Variants in GPR183 observed in about 807,000 individuals in gnomAD.
GPR183 encodes the protein EBV-induced G-protein coupled receptor 2.
A neutral mutation model predicts 19.7 loss-of-function variants in GPR183; 9 were observed. The observed-to-expected ratio is 0.46, with a 90% CI of 0.28 to 0.80. The LOEUF (loss-of-function observed/expected upper bound fraction) is 0.80. Ranked by LOEUF, GPR183 falls within the 30% of genes least tolerant of loss-of-function variation. The pLI is 0.13. For synonymous variants in GPR183, 160 were observed against 155.1 expected (o/e 1.03, Z -0.24); for missense variants, 368 against 446.7 (o/e 0.82, Z 1.59).
rs377441012 is a variant in GPR183, at chr13:99,295,822, C to T, written c.324G>A (p.Ala108=). ...CATATGTGTTGATGTAAAACACTAG[C>T]GCAGTTATCCTACACAAGGCATCTC... The part of the protein sequence containing the change: ...RIGDALCRIT[A]LVFYINTYAG... Residue 108 remains alanine (A), a synonymous_variant, in exon 2 of 2, where the codon GCG becomes GCA. Coordinates refer to ENST00000376414, the MANE Select transcript of GPR183 (RefSeq NM_004951.5). The surrounding 1 kb of genome is among the most constrained non-coding windows in gnomAD (Gnocchi z 4.1). 4.5e-5 allele frequency: 72 copies of T among 1,608,226 alleles called. No individual in the cohort carries two copies. The African/African-American group carries it at 7.2e-4, about 16-fold the overall frequency.
chr13:99,299,253 C>A (rs2138726262), intron 1 of GPR183, among the ~76,000 whole-genome samples: 1 of 152,268 alleles, frequency 6.6e-6, no homozygotes, highest in East Asian at 1.9e-4. Context: ...ATAAACAGTT[C>A]AAATATCCTT....
At chr13:99,303,777 A>G (rs568226850) in intron 1 of GPR183, among the ~76,000 whole-genome samples, 9 of 152,320 alleles carry the variant, frequency 5.9e-5, no homozygotes, top group Admixed American at 2.0e-4. Flanking sequence ...GATGGAAATT[A>G]GGGAGGAACA....
intron 1 of GPR183, among the ~76,000 whole-genome samples, chr13:99,306,402 T>TG (rs1449270845): frequency 4.0e-5 from 6 of 151,682 alleles, no homozygotes; most frequent in African/African-American, 1.2e-4. Flanking sequence ...GTAACTTGTG[T>TG]GTGGGGGGGC....
At chr13:99,305,492 T>C (rs2044320201) in intron 1 of GPR183, among the ~76,000 whole-genome samples, 1 of 152,230 alleles carries the variant, frequency 6.6e-6, no homozygotes. Context: ...GTAAGCTTCT[T>C]GAGGATGATG....
At chr13:99,302,832 C>A (rs2044276546) in intron 1 of GPR183, among the ~76,000 whole-genome samples, 2 of 152,192 alleles carry the variant, frequency 1.3e-5, no homozygotes, top group African/African-American at 4.8e-5. Context: ...GTAGTCAGTA[C>A]ATGCCTCTGT....
chr13:99,298,687 G>GA (rs932568927), intron 1 of GPR183, among the ~76,000 whole-genome samples: 4 of 151,788 alleles, frequency 2.6e-5, no homozygotes, highest in East Asian at 3.9e-4. Flanking sequence ...TTTTGTGCAG[G>GA]AAAAAAAATG....
rs1409914168 is a variant in GPR183, at chr13:99,294,678, T to C, written c.*382A>G. On this transcript the variant is annotated 3_prime_UTR_variant, in exon 2 of 2. Transcript: ENST00000376414. Reference sequence around the variant, plus strand: ...AAATTTGGATTTAAGAAATATGTTATTTAAAAAGTATGTTACAGTATTAAC... The same window carrying C: ...AAATTTGGATTTAAGAAATATGTTACTTAAAAAGTATGTTACAGTATTAAC... The C allele has an allele frequency of 6.4e-6, 1 of 155,574 alleles. No individual in the cohort carries two copies. The allele number at this position is 155,574 out of a possible 1,614,324, so 9.6% of individuals were successfully genotyped here.
intron 1 of GPR183, among the ~76,000 whole-genome samples, chr13:99,304,970 T>G (rs1348738637): frequency 6.6e-6 from 1 of 152,176 alleles, no homozygotes; most frequent in Admixed American, 6.5e-5. Flanking sequence ...GGGAAGGGAA[T>G]GGGAGCAGGG....
chr13:99,303,053 A>G (rs1247981243), intron 1 of GPR183, among the ~76,000 whole-genome samples: 2 of 152,086 alleles, frequency 1.3e-5, no homozygotes, highest in Non-Finnish European at 2.9e-5. Context: ...GAGTGTGACT[A>G]GCCGAGGGGC....
intron 1 of GPR183, among the ~76,000 whole-genome samples, chr13:99,297,288 C>G (rs2044190658): frequency 6.6e-6 from 1 of 151,976 alleles, no homozygotes; most frequent in South Asian, 2.1e-4. Context: ...AAAAATAATT[C>G]CTCTGATAGA....
At chr13:99,297,066 A>G (rs138287243) in intron 1 of GPR183, among the ~76,000 whole-genome samples, 24 of 152,302 alleles carry the variant, frequency 1.6e-4, no homozygotes, top group African/African-American at 5.1e-4. Context: ...CAGTCTTCCA[A>G]TGTGTCAATG....
intron 1 of GPR183, among the ~76,000 whole-genome samples, chr13:99,301,607 T>C (rs1171123884): frequency 6.6e-6 from 1 of 152,154 alleles, no homozygotes; most frequent in East Asian, 1.9e-4. Context: ...ACCGGACATG[T>C]TGACATGAAC....
intron 1 of GPR183, among the ~76,000 whole-genome samples, chr13:99,305,367 C>T (rs72649510): frequency 0.14 from 20,911 of 152,108 alleles, 1,696 homozygotes; most frequent in East Asian, 0.32. Flanking sequence ...GAACACCACG[C>T]GTCCTCTACA....
intron 1 of GPR183, among the ~76,000 whole-genome samples, chr13:99,303,254 T>C (rs918791038): frequency 2.0e-5 from 3 of 152,224 alleles, no homozygotes; most frequent in Admixed American, 2.0e-4. Flanking sequence ...GTCTACTGTT[T>C]CCTCTTTGTG....
rs545252256 is a variant in GPR183, at chr13:99,299,612, G to A, written c.-18-3449C>T. Among the ~76,000 whole-genome samples the A allele has an allele frequency of 2.6e-5, 4 of 152,172 alleles. No homozygotes were observed. The South Asian group carries it at 8.3e-4, about 32-fold the overall frequency. ...GTCAGTGACTGGAATGAATAAATAG[G>A]TAAAAAAAATTTTAATGGGAAAAAA... On this transcript the variant is annotated intron_variant, in intron 1 of 1. Coordinates refer to ENST00000376414, the MANE Select transcript of GPR183 (RefSeq NM_004951.5).
At chr13:99,297,185 A>G (rs1211862765) in intron 1 of GPR183, among the ~76,000 whole-genome samples, 1 of 152,198 alleles carries the variant, frequency 6.6e-6, no homozygotes, top group Admixed American at 6.5e-5. Context: ...TGAAAAATGG[A>G]AAACTCCTAC....
intron 1 of GPR183, among the ~76,000 whole-genome samples, chr13:99,296,833 A>T (rs1212955341): frequency 1.3e-5 from 2 of 152,200 alleles, no homozygotes; most frequent in African/African-American, 4.8e-5. Flanking sequence ...AATGAGAGAG[A>T]AAAAGACTTA....
intron 1 of GPR183, among the ~76,000 whole-genome samples, chr13:99,304,877 A>C (rs1004382027): frequency 6.6e-6 from 1 of 152,220 alleles, no homozygotes; most frequent in African/African-American, 2.4e-5. Context: ...ATGGGTAGAA[A>C]ACAAGTAAAA....
In GPR183 at chr13:99,296,059, C is replaced by T. The variant is rs542364510; in HGVS notation, c.87G>A (p.Thr29=). Residue 29 remains threonine, a synonymous_variant, in exon 2 of 2, where the codon ACG becomes ACA. Coordinates refer to ENST00000376414, the MANE Select transcript of GPR183 (RefSeq NM_004951.5). ...NDCDLYAHHS[T]ARIVMPLHYS... is the part of the protein sequence containing the mutation. ...AATGCAGAGGCATTACTATCCTGGC[C>T]GTGCTGTGATGTGCATAGAGGTCAC... 111 of 1,613,928 alleles carry T rather than the reference C, an allele frequency of 6.9e-5. No individual in the cohort carries two copies. The highest frequency in any genetic ancestry group is 4.3e-4 in the Admixed American group (26 of 60,004).
Sources: gnomAD v4.1 joint callset for allele counts (sites outside exome capture counted in the v4.1 genomes callset) on GRCh38, gnomAD v4.1.1 for gene constraint, Gnocchi (gnomAD v3.1) non-coding constraint, MANE v1.5 for transcripts, NCBI Gene and HGNC (gene_info 2026-07-23, HGNC 2026-07-21) for gene names.